The following CRTC3 variants were observed in gnomAD, a reference collection of about 807,000 sequenced individuals.
CRTC3 encodes CREB regulated transcription coactivator 3, also known as CREB-regulated transcription coactivator 3.
CRTC3 carries 26 observed loss-of-function variants against 74.5 expected under a neutral mutation model. That is an observed-to-expected ratio of 0.35 (90% CI 0.26 to 0.48). The LOEUF (loss-of-function observed/expected upper bound fraction) is 0.48. Among genes scored for constraint, CRTC3 ranks in the 20% least tolerant of loss-of-function variants. The pLI is 0.99. For synonymous variants in CRTC3, 377 were observed against 325.8 expected, an observed-to-expected ratio of 1.16 and a Z score of -1.69; for missense variants, 760 against 787.3, an observed-to-expected ratio of 0.97 and a Z score of 0.41.
intron 2 of CRTC3, among the ~76,000 whole-genome samples, chr15:90,554,764 A>T (rs1966875080): frequency 6.6e-6 from 1 of 152,180 alleles, no homozygotes. Flanking sequence ...GGTGCAGTAA[A>T]TGCTTATGGT....
At chr15:90,629,573 A>G (rs1968964634) in intron 11 of CRTC3, 41 bp downstream of exon 11, 1 of 1,594,990 alleles carries the variant, frequency 6.3e-7, no homozygotes, top group African/African-American at 1.3e-5. Context: ...AGTGAAACAG[A>G]CTGCAAGATA....
intron 11 of CRTC3, among the ~76,000 whole-genome samples, chr15:90,632,258 C>T (rs145543118): frequency 1.2e-3 from 183 of 152,092 alleles, no homozygotes; most frequent in Non-Finnish European, 2.2e-3. Flanking sequence ...GCCAGAGTGT[C>T]CCCTTTCAGA....
chr15:90,636,625 A>T (rs2151096868), intron 11 of CRTC3, among the ~76,000 whole-genome samples: 1 of 152,344 alleles, frequency 6.6e-6, no homozygotes, highest in Middle Eastern at 3.4e-3. Flanking sequence ...CAGGCAAACT[A>T]CAGAATGGGA....
At chr15:90,629,920 C>A (rs551269611) in intron 11 of CRTC3, among the ~76,000 whole-genome samples, 2 of 152,006 alleles carry the variant, frequency 1.3e-5, no homozygotes, top group African/African-American at 4.8e-5. Flanking sequence ...GACAAGTTCT[C>A]GATATGTTGC....
In CRTC3 at chr15:90,642,467, G is replaced by A; in HGVS notation, c.*327G>A. The A allele has an allele frequency of 2.3e-6, 1 of 440,518 alleles. No individual in the cohort carries two copies. The highest frequency in any genetic ancestry group is 2.3e-5 in the South Asian group (1 of 43,246). 27.3% of individuals were successfully genotyped at this position (440,518 alleles called of 1,614,324 possible). A position where few individuals can be genotyped will look rare whatever the true frequency, so the allele number is the denominator to read the frequency against. On this transcript the variant is annotated 3_prime_UTR_variant, in exon 15 of 15. Coordinates refer to ENST00000268184, the MANE Select transcript of CRTC3 (RefSeq NM_022769.5). The stretch of plus-strand genomic sequence containing the variant: ...GATGTGTAAGAGTAGGAAATACTGT[G>A]TCACTGGAGGCCTCCGTAGCATTGT...
rs116366960 is a variant in CRTC3 at position 90,573,210 on chromosome 15, G to A, written c.232-20426G>A. On this transcript the variant is annotated intron_variant, in intron 2 of 14. Transcript: ENST00000268184. Reference sequence around the variant, plus strand: ...GCATAATGGGTAGAAACAAGTCACAGGTGTTGCCTCTACTCAAGGGCGGGG... The same window carrying A: ...GCATAATGGGTAGAAACAAGTCACAAGTGTTGCCTCTACTCAAGGGCGGGG... 4.6e-5 allele frequency among the ~76,000 whole-genome samples: 7 copies of A among 152,130 alleles called. No homozygotes were observed. In the South Asian group the frequency reaches 1.2e-3, roughly 27 times the overall value.
chr15:90,570,960 C>T (rs1000674086), intron 2 of CRTC3, among the ~76,000 whole-genome samples: 3 of 151,980 alleles, frequency 2.0e-5, no homozygotes, highest in Admixed American at 1.3e-4. Context: ...AAAAACTACA[C>T]GAGGAACAAA....
At chr15:90,621,804 T>A (rs7164012) in intron 9 of CRTC3, among the ~76,000 whole-genome samples, 3,223 of 152,302 alleles carry the variant, frequency 0.021, 126 homozygotes, top group African/African-American at 0.073. Context: ...TTGCTCTTAC[T>A]TTACAGATAG....
intron 2 of CRTC3, among the ~76,000 whole-genome samples, chr15:90,573,217 C>T (rs1371580907): frequency 6.6e-6 from 1 of 152,164 alleles, no homozygotes; most frequent in Non-Finnish European, 1.5e-5. Context: ...ACAGGTGTTG[C>T]CTCTACTCAA....
At chr15:90,634,665 G>T in intron 11 of CRTC3, 1 of 579,788 alleles carries the variant, frequency 1.7e-6, no homozygotes, top group Middle Eastern at 3.4e-4. Context: ...AGGACACTGA[G>T]GGGCTGTCTC....
At chr15:90,568,992 C>CTTT (rs35646500) in intron 2 of CRTC3, among the ~76,000 whole-genome samples, 2 of 147,866 alleles carry the variant, frequency 1.4e-5, no homozygotes. Flanking sequence ...TATAACGAAA[C>CTTT]TTTTTTTTTT....
At chr15:90,582,697 T>TA (rs1967571365) in intron 2 of CRTC3, among the ~76,000 whole-genome samples, 1 of 152,244 alleles carries the variant, frequency 6.6e-6, no homozygotes, top group African/African-American at 2.4e-5. Context: ...CCCCATACCC[T>TA]ATGCCATCCT....
At position 90,557,350 on chromosome 15, in the gene CRTC3, C is replaced by G. The variant is rs1966915336; in HGVS notation, c.231+17213C>G. On this transcript the variant is annotated intron_variant, in intron 2 of 14. Coordinates refer to ENST00000268184, the MANE Select transcript of CRTC3 (RefSeq NM_022769.5). ...TTCCCCTTGAGGTTGCTTTCTCGCC[C>G]TTTGCTGACAGGGAGGTGGTGGTAG... Among the ~76,000 whole-genome samples, 5 of 152,136 alleles carry G rather than the reference C, an allele frequency of 3.3e-5. No individual in the cohort carries two copies. The South Asian group carries it at 1.0e-3, about 31-fold the overall frequency.
At chr15:90,630,755 C>CTTTTTTTT (rs1290271902) in intron 11 of CRTC3, among the ~76,000 whole-genome samples, 3 of 37,522 alleles carry the variant, frequency 8.0e-5, no homozygotes, top group African/African-American at 2.3e-4. Context: ...ATTACAGCAT[C>CTTTTTTTT]ATTTTTTTTT....
intron 11 of CRTC3, among the ~76,000 whole-genome samples, chr15:90,630,394 T>C (rs28621895): frequency 0.2 from 29,920 of 152,162 alleles, 3,042 homozygotes; most frequent in African/African-American, 0.25. Context: ...ATATCTCTTA[T>C]AAGGATGAAA....
intron 11 of CRTC3, among the ~76,000 whole-genome samples, chr15:90,631,870 G>A (rs1447726310): frequency 6.6e-6 from 1 of 151,880 alleles, no homozygotes; most frequent in African/African-American, 2.4e-5. Flanking sequence ...AGTGTGCCTT[G>A]TGCCAGGCAT....
At chr15:90,578,751 A>G (rs1440027969) in intron 2 of CRTC3, among the ~76,000 whole-genome samples, 1 of 152,172 alleles carries the variant, frequency 6.6e-6, no homozygotes, top group Non-Finnish European at 1.5e-5. Context: ...GGGAGCGAGA[A>G]TTGAGGATGC....
intron 6 of CRTC3, among the ~76,000 whole-genome samples, chr15:90,612,076 T>G (rs1306974541): frequency 1.0e-4 from 9 of 86,802 alleles, no homozygotes; most frequent in African/African-American, 3.1e-4. Flanking sequence ...CTCCTCCTCC[T>G]CCTCCGCCTC....
intron 2 of CRTC3, among the ~76,000 whole-genome samples, chr15:90,556,566 G>A (rs1392740001): frequency 1.3e-5 from 2 of 152,162 alleles, no homozygotes; most frequent in Non-Finnish European, 2.9e-5. Context: ...AATCACACGG[G>A]CCTAGAGGCT....
Sources: gnomAD v4.1 joint callset for allele counts (sites outside exome capture counted in the v4.1 genomes callset) on GRCh38, gnomAD v4.1.1 for gene constraint, MANE v1.5 for transcripts, NCBI Gene and HGNC (gene_info 2026-07-23, HGNC 2026-07-21) for gene names.